The following ITPR3 variants were observed in gnomAD, a reference collection of about 807,000 sequenced individuals.
ITPR3 encodes inositol 1,4,5-trisphosphate receptor type 3, also known as inositol 1,4,5-trisphosphate-gated calcium channel ITPR3.
In ITPR3, 173 loss-of-function variants were observed where a neutral mutation model predicts 293.2. That is an observed-to-expected ratio of 0.59 (90% CI 0.52 to 0.67). ITPR3 has a LOEUF of 0.67. Among genes scored for constraint, ITPR3 ranks in the 30% least tolerant of loss-of-function variants. ITPR3 has a pLI of 0.00. For missense variants in ITPR3, 2,796 were observed against 3,592.1 expected, an observed-to-expected ratio of 0.78 and a Z score of 5.66; for synonymous variants, 1,295 against 1,444.4, an observed-to-expected ratio of 0.90 and a Z score of 2.35.
chr6:33,663,725 G>T lies in ITPR3; in HGVS notation c.1006-13G>T, dbSNP rs1225876448. 1 of 1,613,150 alleles carries T rather than the reference G, an allele frequency of 6.2e-7. No homozygotes were observed. The highest frequency in any genetic ancestry group is 1.3e-5 in the African/African-American group (1 of 74,914). On this transcript the variant is annotated splice_polypyrimidine_tract_variant and intron_variant, in intron 10 of 57. Coordinates refer to ENST00000605930, the MANE Select transcript of ITPR3 (RefSeq NM_002224.4). ...AGGGAGGGCCTTCTACCTGATTTGGGGTCCTCATCCAGGGGGCACAGGGCC... is the reference window on the plus strand; with the variant it reads ...AGGGAGGGCCTTCTACCTGATTTGGTGTCCTCATCCAGGGGGCACAGGGCC...
At position 33,687,551 on chromosome 6, in the gene ITPR3, G is replaced by T. The variant is rs1443673129; in HGVS notation, c.6251G>T (p.Gly2084Val). ...CGCATTCAAGAGGAGGAGGCCGAGG[G>T]TATCTCTTCCATGGTGGGTGCTGGC... ...VKRIQEEEAE[G>V]ISSMLSLNNK... Residue 2084 changes from glycine (G) to valine (V), a missense_variant, in exon 46 of 58, where the codon GGT (glycine) becomes GTT (valine). Transcript: ENST00000605930. The surrounding 1 kb of genome is among the most constrained non-coding windows in gnomAD (Gnocchi z 5.3). 6.4e-7 allele frequency: 1 copy of T among 1,569,436 alleles called. No individual in the cohort carries two copies. Among genetic ancestry groups the T allele is most frequent in the Non-Finnish European group, 8.7e-7 (1 of 1,145,844 alleles).
At position 33,679,011 on chromosome 6, in the gene ITPR3, A is replaced by AAC. The variant is rs1359767521; in HGVS notation, c.3972+173_3972+174dup. 6.6e-6 allele frequency among the ~76,000 whole-genome samples: 1 copy of AAC among 152,216 alleles called. No homozygotes were observed. The highest frequency in any genetic ancestry group is 2.4e-5 in the African/African-American group (1 of 41,456). ...AGAAGTGAGGCTGCAGATGTGGTAG[A>AAC]ACTCAGCCTGTGGGCCTGATAGAAC... On this transcript the variant is annotated intron_variant, in intron 30 of 57. Transcript: ENST00000605930. The surrounding 1 kb of genome is among the most constrained non-coding windows in gnomAD (Gnocchi z 4.2).
At chr6:33,623,131 C>A (rs1244075838) in intron 1 of ITPR3, among the ~76,000 whole-genome samples, 1 of 152,146 alleles carries the variant, frequency 6.6e-6, no homozygotes, top group South Asian at 2.1e-4. Context: ...ACAGTAGGTA[C>A]AGAGTAAACA....
intron 2 of ITPR3, among the ~76,000 whole-genome samples, chr6:33,644,045 C>T (rs1764011277): frequency 6.6e-6 from 1 of 152,118 alleles, no homozygotes; most frequent in Admixed American, 6.6e-5. Context: ...CAAAAATTAG[C>T]CGGGCATGGT....
chr6:33,660,186 G>T (rs907993329), intron 7 of ITPR3, among the ~76,000 whole-genome samples: 3 of 152,184 alleles, frequency 2.0e-5, no homozygotes, highest in African/African-American at 7.2e-5. Context: ...GGCTGCAAGG[G>T]ATGGAACCAG....
Position 33,633,367 on chromosome 6 carries a change from T to G in ITPR3, c.90-7117T>G, listed in dbSNP as rs1043197566. 6.6e-6 allele frequency among the ~76,000 whole-genome samples: 1 copy of G among 152,206 alleles called. No homozygotes were observed. Among genetic ancestry groups the G allele is most frequent in the Non-Finnish European group, 1.5e-5 (1 of 68,022 alleles). On this transcript the variant is annotated intron_variant, in intron 1 of 57. Coordinates refer to ENST00000605930, the MANE Select transcript of ITPR3 (RefSeq NM_002224.4). This position sits in a 1 kb window ranked among gnomAD's most constrained non-coding sequence, Gnocchi z 5.2. The stretch of plus-strand genomic sequence containing the variant: ...GTGAAGCGAAGCGGCCACTTACCCC[T>G]GTAGAGCGCGGCTCTGGTTTCAGCG...
chr6:33,680,254 G>A, intron 31 of ITPR3, 75 bp from the exon 32 acceptor site: 1 of 1,580,286 alleles, frequency 6.3e-7, no homozygotes, highest in Non-Finnish European at 8.6e-7. Context: ...GAGGCCAGGG[G>A]ACAGGAGCAT....
chr6:33,687,453 G>T lies in ITPR3; in HGVS notation c.6178-25G>T. On this transcript the variant is annotated intron_variant, in intron 45 of 57. Coordinates refer to ENST00000605930, the MANE Select transcript of ITPR3 (RefSeq NM_002224.4). The surrounding 1 kb of genome is among the most constrained non-coding windows in gnomAD (Gnocchi z 5.3). ...CATGTCCCCCAGCCACCACACCCTG[G>T]TGACTGTGCTGCCATTTCCCTCAGC... 6.3e-7 allele frequency: 1 copy of T among 1,598,368 alleles called. No individual in the cohort carries two copies. Among genetic ancestry groups the T allele is most frequent in the Non-Finnish European group, 8.5e-7 (1 of 1,171,776 alleles).
rs1764825748 is a variant in ITPR3 at position 33,673,577 on chromosome 6, C to T, written c.2929-14C>T. On this transcript the variant is annotated splice_polypyrimidine_tract_variant and intron_variant, in intron 22 of 57. Coordinates refer to ENST00000605930, the MANE Select transcript of ITPR3 (RefSeq NM_002224.4). ...CTCACCCCATCCTCACCTGACCTTT[C>T]CTCTCTTCTCCAGTTCATCCTCAAT... 6.2e-7 allele frequency: 1 copy of T among 1,613,878 alleles called. No individual in the cohort carries two copies. Among genetic ancestry groups the T allele is most frequent in the Non-Finnish European group, 8.5e-7 (1 of 1,179,808 alleles).
rs1026320372 is a variant in ITPR3, at chr6:33,666,574, C to T, written c.1552-555C>T. The stretch of plus-strand genomic sequence containing the variant: ...AATACCAAGTCCATATCACATTTCT[C>T]TAATGTTCCCAGAATGTCTTTGTAA... On this transcript the variant is annotated intron_variant, in intron 14 of 57. Coordinates refer to ENST00000605930, the MANE Select transcript of ITPR3 (RefSeq NM_002224.4). The surrounding 1 kb of genome is among the most constrained non-coding windows in gnomAD (Gnocchi z 5.1). Among the ~76,000 whole-genome samples, 7 of 151,394 alleles carry T rather than the reference C, an allele frequency of 4.6e-5. No individual in the cohort carries two copies. The highest frequency in any genetic ancestry group is 1.7e-4 in the African/African-American group (7 of 41,128).
chr6:33,681,868 G>C (rs1280200919), intron 33 of ITPR3, among the ~76,000 whole-genome samples: 1 of 151,956 alleles, frequency 6.6e-6, no homozygotes, highest in East Asian at 1.9e-4. Context: ...ATGGGGGAGA[G>C]ACTTCTCAAA....
chr6:33,650,789 C>A (rs1340518737), intron 2 of ITPR3, among the ~76,000 whole-genome samples: 1 of 149,288 alleles, frequency 6.7e-6, no homozygotes, highest in Non-Finnish European at 1.5e-5. Flanking sequence ...CTGCAGGGAT[C>A]TTCAAGCTTT....
intron 7 of ITPR3, 35 bp from the exon 8 acceptor site, chr6:33,662,493 C>G: frequency 6.5e-7 from 1 of 1,546,178 alleles, no homozygotes; most frequent in South Asian, 1.2e-5. Flanking sequence ...CTGGAGGGGC[C>G]GCAGCCATCC....
In ITPR3 at chr6:33,686,039, T is replaced by C. The variant is rs775407221; in HGVS notation, c.5668-14T>C. 4 of 1,613,616 alleles carry C rather than the reference T, an allele frequency of 2.5e-6. No homozygotes were observed. The East Asian group carries it at 8.9e-5, about 36-fold the overall frequency. ...CTGTAGCTGTGCTGTGCCCAACCCT[T>C]CTGTGCCCCGCAGAACTTCCTGCGC... On this transcript the variant is annotated splice_polypyrimidine_tract_variant and intron_variant, in intron 41 of 57. Coordinates refer to ENST00000605930, the MANE Select transcript of ITPR3 (RefSeq NM_002224.4).
At chr6:33,669,228 C>T in intron 18 of ITPR3, 72 bp downstream of exon 18, 1 of 1,491,928 alleles carries the variant, frequency 6.7e-7, no homozygotes, top group Non-Finnish European at 9.1e-7. Context: ...TCAGTCAATC[C>T]CTGCTGAGGA....
chr6:33,670,854 G>C lies in ITPR3; in HGVS notation c.2586+39G>C, dbSNP rs1330839693. On this transcript the variant is annotated intron_variant, in intron 20 of 57. Coordinates refer to ENST00000605930, the MANE Select transcript of ITPR3 (RefSeq NM_002224.4). The surrounding 1 kb of genome is among the most constrained non-coding windows in gnomAD (Gnocchi z 6.7). ...TGCCCAGGGGCTGGGGGTCCGTGGA[G>C]CTCTTGTTGGCCCCACACTGGCCTC... The C allele has an allele frequency of 3.1e-6, 5 of 1,602,946 alleles. No individual in the cohort carries two copies. The highest frequency in any genetic ancestry group is 4.3e-6 in the Non-Finnish European group (5 of 1,176,230).
intron 1 of ITPR3, among the ~76,000 whole-genome samples, chr6:33,628,713 G>T (rs556612945): frequency 6.6e-6 from 1 of 152,202 alleles, no homozygotes; most frequent in Non-Finnish European, 1.5e-5. Flanking sequence ...GAGTAAAATG[G>T]CCAGAGTGCT....
Position 33,633,167 on chromosome 6 carries a change from G to C in ITPR3, c.90-7317G>C, listed in dbSNP as rs1346054260. On this transcript the variant is annotated intron_variant, in intron 1 of 57. Coordinates refer to ENST00000605930, the MANE Select transcript of ITPR3 (RefSeq NM_002224.4). The surrounding 1 kb of genome is among the most constrained non-coding windows in gnomAD (Gnocchi z 5.2). Reference sequence around the variant, plus strand: ...CGGTGGTGGGCGTAGCGGGGCGTGGGCAGGGAACCACACGGGAGCCTCAGC... The same window carrying C: ...CGGTGGTGGGCGTAGCGGGGCGTGGCCAGGGAACCACACGGGAGCCTCAGC... Among the ~76,000 whole-genome samples the C allele has an allele frequency of 6.6e-6, 1 of 152,212 alleles. No individual in the cohort carries two copies. The highest frequency in any genetic ancestry group is 2.4e-5 in the African/African-American group (1 of 41,450).
intron 22 of ITPR3, among the ~76,000 whole-genome samples, chr6:33,673,306 C>T (rs772758491): frequency 4.6e-5 from 7 of 152,088 alleles, no homozygotes; most frequent in South Asian, 2.1e-4. Flanking sequence ...CTGAGTGGGC[C>T]GGGCGCAGGG....
Sources: allele counts gnomAD v4.1 joint callset (sites outside exome capture counted in the v4.1 genomes callset), GRCh38; gene constraint gnomAD v4.1.1; non-coding constraint Gnocchi (gnomAD v3.1); transcripts MANE v1.5; gene names NCBI Gene and HGNC (gene_info 2026-07-23, HGNC 2026-07-21).